Variants in ZDHHC21 observed in about 807,000 individuals in gnomAD.
ZDHHC21 encodes the protein zDHHC palmitoyltransferase 21.
Under a neutral mutation model 34.6 loss-of-function variants are expected in ZDHHC21, and 15 were observed. The observed-to-expected ratio is 0.43, with a 90% confidence interval of 0.29 to 0.67. The LOEUF is 0.67. Ranked by LOEUF, ZDHHC21 falls within the 30% of genes least tolerant of loss-of-function variation. ZDHHC21 has a pLI of 0.14. For missense variants in ZDHHC21, 344 were observed against 327.7 expected (o/e 1.05, Z -0.38); for synonymous variants, 142 against 101.8 (o/e 1.40, Z -2.38).
chr9:14,687,140 C>T (rs575388436), intron 2 of ZDHHC21, among the ~76,000 whole-genome samples: 1 of 150,774 alleles, frequency 6.6e-6, no homozygotes, highest in East Asian at 1.9e-4. Flanking sequence ...GAGTGGCTTC[C>T]TAATGTTTCA....
intron 7 of ZDHHC21, among the ~76,000 whole-genome samples, chr9:14,640,527 T>C (rs376423523): frequency 1.3e-5 from 2 of 152,250 alleles, no homozygotes; most frequent in East Asian, 1.9e-4. Context: ...AATAGGATCA[T>C]AAGTACAGCT....
chr9:14,691,963 T>TA (rs539897750), intron 1 of ZDHHC21, among the ~76,000 whole-genome samples: 15 of 152,262 alleles, frequency 9.9e-5, no homozygotes, highest in African/African-American at 3.4e-4. Flanking sequence ...ATAGAGAAAA[T>TA]AACATGGGTC....
chr9:14,608,605 A>G (rs1823094685), downstream of ZDHHC21, among the ~76,000 whole-genome samples: 1 of 152,082 alleles, frequency 6.6e-6, no homozygotes, highest in Non-Finnish European at 1.5e-5. Flanking sequence ...TCCAGAGGAC[A>G]TACAAAGAAT....
the ZDHHC21 span, among the ~76,000 whole-genome samples, chr9:14,597,648 G>A: frequency 6.6e-6 from 1 of 152,102 alleles, no homozygotes; most frequent in African/African-American, 2.4e-5. Flanking sequence ...CCATCCGGGG[G>A]TCTGAGGTAA....
chr9:14,619,299 C>T (rs187356938), intron 9 of ZDHHC21, among the ~76,000 whole-genome samples: 17 of 152,230 alleles, frequency 1.1e-4, no homozygotes, highest in Admixed American at 1.1e-3. Context: ...TGTCGTCAAT[C>T]AACCGAGCGC....
At chr9:14,659,559 T>A (rs1832971414) in intron 6 of ZDHHC21, among the ~76,000 whole-genome samples, 1 of 152,210 alleles carries the variant, frequency 6.6e-6, no homozygotes, top group African/African-American at 2.4e-5. Context: ...ATTTATTGTA[T>A]CCAAATTGTC....
At position 14,611,946 on chromosome 9, in the gene ZDHHC21, G is replaced by C. The variant is rs766922051; in HGVS notation, c.*7020C>G. The stretch of plus-strand genomic sequence containing the variant: ...CATCTCTGGGAGACAGTGAATAGTG[G>C]TGAATTCTCTACTACTCAATAACTT... On this transcript the variant is annotated 3_prime_UTR_variant, in exon 10 of 10. Coordinates refer to ENST00000380916, the MANE Select transcript of ZDHHC21 (RefSeq NM_178566.6). 10 of 151,896 alleles carry C rather than the reference G, an allele frequency of 6.6e-5. No homozygotes were observed. Among genetic ancestry groups the C allele is most frequent in the Non-Finnish European group, 1.3e-4 (9 of 67,914 alleles). The allele number at this position is 151,896 out of a possible 1,614,324, so 9.4% of individuals were successfully genotyped here.
intron 5 of ZDHHC21, among the ~76,000 whole-genome samples, chr9:14,667,646 T>C (rs1282482720): frequency 1.1e-5 from 1 of 90,816 alleles, no homozygotes; most frequent in African/African-American, 4.6e-5. Flanking sequence ...AAAAAGCTTA[T>C]CCACCATGAT....
chr9:14,627,955 G>A (rs1826596727), intron 8 of ZDHHC21, among the ~76,000 whole-genome samples: 1 of 152,018 alleles, frequency 6.6e-6, no homozygotes, highest in Non-Finnish European at 1.5e-5. Flanking sequence ...AGGCTAAACA[G>A]TCTGAAGTCT....
At chr9:14,674,462 T>A (rs1835996131) in intron 3 of ZDHHC21, 77 bp from the exon 4 acceptor site, 1 of 826,882 alleles carries the variant, frequency 1.2e-6, no homozygotes. Flanking sequence ...GCAACTTTTA[T>A]AAAATGACAT....
the ZDHHC21 span, among the ~76,000 whole-genome samples, chr9:14,598,300 C>T: frequency 1.3e-5 from 2 of 152,296 alleles, no homozygotes; most frequent in East Asian, 3.9e-4. Flanking sequence ...CTTTCACTAA[C>T]AACCATAGCC....
At chr9:14,686,904 C>T (rs1292542518) in intron 2 of ZDHHC21, among the ~76,000 whole-genome samples, 1 of 149,170 alleles carries the variant, frequency 6.7e-6, no homozygotes, top group Non-Finnish European at 1.5e-5. Flanking sequence ...ACCCAAGAGG[C>T]AGAGGTTGCA....
chr9:14,623,945 A>G (rs1280861863), intron 8 of ZDHHC21, among the ~76,000 whole-genome samples: 1 of 152,070 alleles, frequency 6.6e-6, no homozygotes, highest in Non-Finnish European at 1.5e-5. Context: ...TCATTATAAA[A>G]AACAGTATGG....
At chr9:14,591,053 G>A in the ZDHHC21 span, among the ~76,000 whole-genome samples, 1 of 152,148 alleles carries the variant, frequency 6.6e-6, no homozygotes, top group East Asian at 1.9e-4. Context: ...GGTAGTCTGT[G>A]ATATGGCATA....
At position 14,639,624 on chromosome 9, in the gene ZDHHC21, G is replaced by A. The variant is rs116411442; in HGVS notation, c.621+272C>T. On this transcript the variant is annotated intron_variant, in intron 8 of 9. Coordinates refer to ENST00000380916, the MANE Select transcript of ZDHHC21 (RefSeq NM_178566.6). ...ATACTCATATGTACCCCATAAATACGTAAGATACTGTGTATCAATAAAAAA... is the reference window on the plus strand; with the variant it reads ...ATACTCATATGTACCCCATAAATACATAAGATACTGTGTATCAATAAAAAA... 5.2e-3 allele frequency among the ~76,000 whole-genome samples: 790 copies of A among 152,026 alleles called. 9 individuals carry two copies. Among genetic ancestry groups the A allele is most frequent in the African/African-American group, 0.018 (749 of 41,520 alleles).
At chr9:14,683,599 C>G (rs1257894231) in intron 2 of ZDHHC21, 12 of 152,288 alleles carry the variant, frequency 7.9e-5, no homozygotes, top group Non-Finnish European at 1.8e-4. Context: ...CAGATGCATT[C>G]ACAGCCAAAT....
intron 7 of ZDHHC21, among the ~76,000 whole-genome samples, chr9:14,651,707 T>C (rs1343487664): frequency 6.6e-6 from 1 of 151,992 alleles, no homozygotes; most frequent in East Asian, 1.9e-4. Flanking sequence ...TCATATTTAA[T>C]TGAAAACCGT....
the ZDHHC21 span, among the ~76,000 whole-genome samples, chr9:14,603,118 A>C: frequency 3.3e-5 from 5 of 152,184 alleles, no homozygotes; most frequent in African/African-American, 1.2e-4. Flanking sequence ...GAATATGTTG[A>C]TAGCTACATG....
chr9:14,649,087 G>GC (rs1271458829), intron 7 of ZDHHC21, among the ~76,000 whole-genome samples: 1 of 151,866 alleles, frequency 6.6e-6, no homozygotes, highest in Non-Finnish European at 1.5e-5. Flanking sequence ...CCCACTAGAT[G>GC]CCAGTAGCAC....
Sources: allele counts gnomAD v4.1 joint callset (sites outside exome capture counted in the v4.1 genomes callset), GRCh38; gene constraint gnomAD v4.1.1; transcripts MANE v1.5; gene names NCBI Gene and HGNC (gene_info 2026-07-23, HGNC 2026-07-21).